Variants in NEBL observed in about 807,000 individuals in gnomAD.
NEBL encodes the protein nebulette, also known as LIM and SH3 protein 2.
Under a neutral mutation model 140.2 loss-of-function variants are expected in NEBL, and 122 were observed. That is an observed-to-expected ratio of 0.87 (90% CI 0.75 to 1.01). The LOEUF is 1.01. Ranked by LOEUF, NEBL falls within the 50% of genes least tolerant of loss-of-function variation. NEBL has a pLI of 0.00. For missense variants in NEBL, 1,365 were observed against 1,231.3 expected, an observed-to-expected ratio of 1.11 and a Z score of -1.62; for synonymous variants, 436 against 398.9, an observed-to-expected ratio of 1.09 and a Z score of -1.11.
chr10:20,949,256 C>G lies in NEBL; in HGVS notation c.357+12416G>C, dbSNP rs185588973. ...GTGGGAGTCATACAACGAGAACACA[C>G]GGACACAGGGAGGGGAACATCACAC... On this transcript the variant is annotated intron_variant, in intron 4 of 6. Transcript: ENST00000417816. Among the ~76,000 whole-genome samples, 15 of 152,144 alleles carry G rather than the reference C, an allele frequency of 9.9e-5. No individual in the cohort carries two copies. The East Asian group carries it at 2.9e-3, about 29-fold the overall frequency.
chr10:21,159,363 C>A lies in NEBL; in HGVS notation c.164+13020G>T, dbSNP rs141533472. Among the ~76,000 whole-genome samples the A allele has an allele frequency of 3.2e-3, 489 of 152,240 alleles. 3 individuals are homozygous for A. Among genetic ancestry groups the A allele is most frequent in the African/African-American group, 0.011 (450 of 41,540 alleles). On this transcript the variant is annotated intron_variant, in intron 2 of 6. Coordinates refer to the NEBL transcript ENST00000417816. The stretch of plus-strand genomic sequence containing the variant: ...CTAAGATTTCTTGAACAAGCACAGC[C>A]TTTCCTTCTTCCCCTACACCGTTTG...
At chr10:21,256,656 C>A (rs185486537) in intron 1 of NEBL, among the ~76,000 whole-genome samples, 42 of 152,162 alleles carry the variant, frequency 2.8e-4, no homozygotes, top group Admixed American at 2.3e-3. Flanking sequence ...CATAGTGAGA[C>A]CCTGTCTCTA....
At chr10:20,895,239 T>C (rs1343943948) in intron 2 of NEBL, among the ~76,000 whole-genome samples, 1 of 152,202 alleles carries the variant, frequency 6.6e-6, no homozygotes, top group Non-Finnish European at 1.5e-5. Context: ...TCAGCTATAA[T>C]TGCACTTCAA....
chr10:21,265,397 A>G (rs1842787035), intron 1 of NEBL, among the ~76,000 whole-genome samples: 1 of 152,220 alleles, frequency 6.6e-6, no homozygotes, highest in African/African-American at 2.4e-5. Flanking sequence ...CTCACGCTGC[A>G]AAACCCCATC....
At chr10:21,107,325 A>G (rs1837765850) in intron 2 of NEBL, among the ~76,000 whole-genome samples, 3 of 152,114 alleles carry the variant, frequency 2.0e-5, no homozygotes, top group Admixed American at 6.5e-5. Context: ...AGCTCTCATT[A>G]TTTTGAGATA....
chr10:20,809,952 A>G lies in NEBL; in HGVS notation c.2519-54T>C, dbSNP rs936888072. 7.5e-6 allele frequency: 7 copies of G among 938,544 alleles called. No homozygotes were observed. The Admixed American group carries it at 9.1e-5, about 12-fold the overall frequency. 58.1% of individuals were successfully genotyped at this position (938,544 alleles called of 1,614,324 possible). Reference sequence around the variant, plus strand: ...CATCAAGAAGGAATTTAAAAAAGGAAAAAAAAAAAAAAAAGCCAGTACCCA... The same window carrying G: ...CATCAAGAAGGAATTTAAAAAAGGAGAAAAAAAAAAAAAAGCCAGTACCCA... On this transcript the variant is annotated intron_variant, in intron 24 of 27. Coordinates refer to ENST00000377122, the MANE Select transcript of NEBL (RefSeq NM_006393.3).
chr10:21,038,689 T>C (rs1834120060), intron 2 of NEBL, among the ~76,000 whole-genome samples: 2 of 152,236 alleles, frequency 1.3e-5, no homozygotes, highest in Non-Finnish European at 2.9e-5. Context: ...CATGAGTCTT[T>C]ATAGTAGAAT....
chr10:20,850,512 AAAAAG>A lies in NEBL; in HGVS notation c.1009-15_1009-11del, dbSNP rs1842402603. On this transcript the variant is annotated splice_polypyrimidine_tract_variant and intron_variant, in intron 10 of 27. Coordinates refer to ENST00000377122, the MANE Select transcript of NEBL (RefSeq NM_006393.3). ...CTTCTTTATATTTCACCTTCATTGG[AAAAAG>A]AAAAGCATATACAAATCGAAAGTCC... The A allele has an allele frequency of 6.5e-7, 1 of 1,546,394 alleles. No homozygotes were observed. The highest frequency in any genetic ancestry group is 1.4e-5 in the African/African-American group (1 of 73,460).
intron 3 of NEBL, among the ~76,000 whole-genome samples, chr10:20,978,684 G>A (rs1836904209): frequency 6.6e-6 from 1 of 151,644 alleles, no homozygotes; most frequent in East Asian, 1.9e-4. Flanking sequence ...GTACCCAGGA[G>A]TTTGAGGCTG....
chr10:21,185,448 C>T (rs1384070730), intron 3 of NEBL, among the ~76,000 whole-genome samples: 1 of 149,272 alleles, frequency 6.7e-6, no homozygotes, highest in Non-Finnish European at 1.5e-5. Flanking sequence ...AAGCTAAGCA[C>T]ACAGAATTTC....
chr10:21,227,841 TTTCTTCTTCTTTC>T (rs1842192679), intron 3 of NEBL, among the ~76,000 whole-genome samples: 2 of 149,562 alleles, frequency 1.3e-5, no homozygotes, highest in Admixed American at 1.3e-4. Context: ...CTTCTTCTTC[TTTCTTCTTCTTTC>T]TTCTTCTTCT....
Position 20,787,306 on chromosome 10 carries a change from G to A in NEBL, c.2764C>T (p.Pro922Ser). ...EVTRPSDEGA[P>S]VLPGAYQQSH... ...TGCTGATAGGCTCCGGGAAGAACAG[G>A]TGCTGCATGTTAAACATACACACAC... is the stretch of plus-strand genomic sequence containing the variant. The change falls in exon 27 of 28, where the codon CCT (proline) becomes TCT (serine). Residue 922 changes from proline (P) to serine (S), a missense_variant and splice_region_variant. By Grantham distance (74) the Pro-to-Ser change is moderately conservative. Transcript: ENST00000377122. 1 of 1,610,562 alleles carries A rather than the reference G, an allele frequency of 6.2e-7. No homozygotes were observed. The highest frequency in any genetic ancestry group is 8.5e-7 in the Non-Finnish European group (1 of 1,177,494).
intron 4 of NEBL, 70 bp from the exon 5 acceptor site, chr10:20,880,974 T>C: frequency 8.2e-7 from 1 of 1,219,968 alleles, no homozygotes; most frequent in Non-Finnish European, 1.2e-6. Context: ...TTTCAGTGTT[T>C]TGCCAGGACT....
chr10:21,056,930 A>AC (rs1406613686), intron 2 of NEBL, among the ~76,000 whole-genome samples: 16 of 152,218 alleles, frequency 1.1e-4, no homozygotes, highest in African/African-American at 3.9e-4. Flanking sequence ...AGTCAAAGAC[A>AC]AAAGTGCTCA....
At chr10:21,064,617 T>C (rs1284575842) in intron 2 of NEBL, among the ~76,000 whole-genome samples, 1 of 152,242 alleles carries the variant, frequency 6.6e-6, no homozygotes, top group East Asian at 1.9e-4. Context: ...TAAGTGTTGT[T>C]GGTGTTTTAA....
intron 3 of NEBL, among the ~76,000 whole-genome samples, chr10:20,997,619 AG>A (rs1175207520): frequency 6.6e-6 from 1 of 151,934 alleles, no homozygotes; most frequent in Non-Finnish European, 1.5e-5. Context: ...TACACAGAAA[AG>A]CAAATTTCTA....
intron 2 of NEBL, among the ~76,000 whole-genome samples, chr10:21,114,049 A>G (rs1838167996): frequency 6.6e-6 from 1 of 152,060 alleles, no homozygotes; most frequent in Non-Finnish European, 1.5e-5. Context: ...TACACTTTTA[A>G]TGCTATTAAT....
In NEBL at chr10:21,171,077, G is replaced by A. The variant is rs182540285; in HGVS notation, c.164+1306C>T. Among the ~76,000 whole-genome samples the A allele has an allele frequency of 3.0e-4, 45 of 152,144 alleles. 1 individual carries two copies. Among genetic ancestry groups the A allele is most frequent in the East Asian group, 2.9e-3 (15 of 5,150 alleles). ...CAGGCCAGGTGCGGTGGCTCACGCC[G>A]GTAATTCCAGCACCTTGGGAGGCCG... On this transcript the variant is annotated intron_variant, in intron 2 of 6. Coordinates refer to the NEBL transcript ENST00000417816.
At chr10:21,125,952 GT>G (rs772952015) in intron 2 of NEBL, 206 of 1,614,226 alleles carry the variant, frequency 1.3e-4, no homozygotes, top group Non-Finnish European at 1.7e-4. Flanking sequence ...ACTTGGCCCA[GT>G]TGCCTGGATC....
Sources: allele counts gnomAD v4.1 joint callset (sites outside exome capture counted in the v4.1 genomes callset), GRCh38; gene constraint gnomAD v4.1.1; transcripts MANE v1.5; gene names NCBI Gene and HGNC (gene_info 2026-07-23, HGNC 2026-07-21).